The following SARNP variants were observed in gnomAD, a reference collection of about 807,000 sequenced individuals.
SARNP encodes SAP domain-containing ribonucleoprotein.
SARNP carries 5 observed loss-of-function variants against 38.1 expected under a neutral mutation model. The ratio of observed to expected loss-of-function variants is 0.13; its 90% confidence interval spans 0.07 to 0.28. The LOEUF (loss-of-function observed/expected upper bound fraction) is 0.28, where lower values mean the gene tolerates loss of function less well. Among genes scored for constraint, SARNP ranks in the 10% least tolerant of loss-of-function variants. SARNP has a pLI of 1.00. For synonymous variants in SARNP, 84 were observed against 80.6 expected, an observed-to-expected ratio of 1.04 and a Z score of -0.23; for missense variants, 180 against 243.9, an observed-to-expected ratio of 0.74 and a Z score of 1.75.
chr12:55,753,729 C>T (rs1472614420), downstream of SARNP: 1 of 141,240 alleles, frequency 7.1e-6, no homozygotes, highest in Non-Finnish European at 1.5e-5. Context: ...GAGATCGCAC[C>T]ACTGCACTCT....
At chr12:55,785,096 T>G (rs1334106081) in intron 9 of SARNP, among the ~76,000 whole-genome samples, 1 of 152,262 alleles carries the variant, frequency 6.6e-6, no homozygotes, top group Admixed American at 6.5e-5. Flanking sequence ...ATTTTAATTG[T>G]ATTTTATAGA....
downstream of SARNP, chr12:55,753,859 A>T (rs1023407681): frequency 2.6e-5 from 4 of 151,148 alleles, no homozygotes; most frequent in African/African-American, 9.8e-5. Context: ...TGGCAGGAGG[A>T]CCACTTGAGG....
intron 10 of SARNP, 127 bp from the exon 11 acceptor site, chr12:55,757,680 A>C (rs1212793847): frequency 1.6e-6 from 1 of 617,660 alleles, no homozygotes. Flanking sequence ...CCCAGACTTG[A>C]GCTTGGTAGC....
intron 4 of SARNP, among the ~76,000 whole-genome samples, chr12:55,800,005 C>T (rs917199899): frequency 3.3e-5 from 5 of 151,776 alleles, no homozygotes; most frequent in Non-Finnish European, 5.9e-5. Flanking sequence ...GCCTGGCCAA[C>T]ATGGTAAAAC....
chr12:55,817,396 G>A (rs187102458), intron 1 of SARNP, among the ~76,000 whole-genome samples: 16 of 152,292 alleles, frequency 1.1e-4, no homozygotes, highest in Non-Finnish European at 1.9e-4. Context: ...ACAGGTAGAA[G>A]GCACTTACAC....
chr12:55,816,436 A>G (rs1444945927), intron 1 of SARNP, among the ~76,000 whole-genome samples: 2 of 152,236 alleles, frequency 1.3e-5, no homozygotes, highest in East Asian at 1.9e-4. Flanking sequence ...CAAGTTAACA[A>G]TAACTCCAGA....
chr12:55,798,357 G>C (rs1159568182), intron 4 of SARNP, among the ~76,000 whole-genome samples: 4 of 152,106 alleles, frequency 2.6e-5, no homozygotes, highest in Non-Finnish European at 5.9e-5. Flanking sequence ...AAAAGAGCTG[G>C]GTGTAGTGGC....
chr12:55,759,394 C>T (rs1878605860), intron 10 of SARNP, among the ~76,000 whole-genome samples: 1 of 151,276 alleles, frequency 6.6e-6, no homozygotes, highest in African/African-American at 2.4e-5. Flanking sequence ...CTTATTAATA[C>T]TAAGTGGCAA....
intron 9 of SARNP, among the ~76,000 whole-genome samples, chr12:55,784,509 G>A (rs936703336): frequency 6.6e-6 from 1 of 152,188 alleles, no homozygotes; most frequent in African/African-American, 2.4e-5. Context: ...CTTTTCTTAT[G>A]TCTTACTCCT....
rs1197347243 is a variant in SARNP at position 55,775,747 on chromosome 12, A to C, written c.501+13328T>G. 3.3e-5 allele frequency among the ~76,000 whole-genome samples: 5 copies of C among 152,146 alleles called. No individual in the cohort carries two copies. The East Asian group carries it at 7.7e-4, about 23-fold the overall frequency. ...GATGTCCTGCCTCATCCCCACCTCC[A>C]TCTCCAAAATACTATGGGATCTGAC... On this transcript the variant is annotated intron_variant, in intron 9 of 10. Transcript: ENST00000336133.
At chr12:55,808,677 C>G (rs1246607917) in intron 1 of SARNP, among the ~76,000 whole-genome samples, 1 of 151,924 alleles carries the variant, frequency 6.6e-6, no homozygotes, top group African/African-American at 2.4e-5. Flanking sequence ...GGGAGGAACG[C>G]TTGAACCTGG....
chr12:55,769,251 T>C (rs571003590), intron 9 of SARNP, among the ~76,000 whole-genome samples: 1 of 152,314 alleles, frequency 6.6e-6, no homozygotes, highest in South Asian at 2.1e-4. Context: ...ACATTTTCAA[T>C]AGCATTGTAG....
intron 1 of SARNP, among the ~76,000 whole-genome samples, chr12:55,809,524 G>A (rs1411509956): frequency 2.6e-5 from 4 of 152,012 alleles, no homozygotes; most frequent in Non-Finnish European, 5.9e-5. Context: ...GGAGGTCGAC[G>A]CAGGAGGATC....
At chr12:55,773,304 AAAC>A (rs1879066439) in intron 9 of SARNP, among the ~76,000 whole-genome samples, 1 of 152,176 alleles carries the variant, frequency 6.6e-6, no homozygotes, top group African/African-American at 2.4e-5. Context: ...AATATAGACC[AAAC>A]AACTTTTTAA....
intron 3 of SARNP, 71 bp from the exon 4 acceptor site, chr12:55,800,700 G>C (rs980355671): frequency 7.2e-7 from 1 of 1,381,400 alleles, no homozygotes; most frequent in African/African-American, 1.4e-5. Context: ...AAGAACATCA[G>C]AACTCCAAAA....
intron 1 of SARNP, 29 bp downstream of exon 1, chr12:55,817,637 C>G (rs1437960480): frequency 5.0e-6 from 8 of 1,605,408 alleles, no homozygotes; most frequent in Non-Finnish European, 6.8e-6. Flanking sequence ...TAGAAAAGTC[C>G]AACTCAGCCC....
chr12:55,806,121 G>A (rs1376663230), intron 1 of SARNP, among the ~76,000 whole-genome samples: 1 of 151,554 alleles, frequency 6.6e-6, no homozygotes, highest in South Asian at 2.1e-4. Context: ...CATAGCCTCT[G>A]AAGCCAGACT....
rs1486752557 is a variant in SARNP, at chr12:55,757,466, G to C, written c.*46C>G. ...GCATATATGTGACCAAGAAGAAGGA[G>C]AGAAATGGAAAACACTGGAGAACAG... On this transcript the variant is annotated 3_prime_UTR_variant, in exon 11 of 11. Transcript: ENST00000336133. The C allele has an allele frequency of 1.3e-6, 2 of 1,551,480 alleles. No individual in the cohort carries two copies. The highest frequency in any genetic ancestry group is 2.3e-5 in the East Asian group (1 of 44,332).
At chr12:55,792,391 GA>G (rs1879698225) in intron 7 of SARNP, among the ~76,000 whole-genome samples, 1 of 152,008 alleles carries the variant, frequency 6.6e-6, no homozygotes, top group South Asian at 2.1e-4. Flanking sequence ...GTTTTTTTGA[GA>G]AAAGAGTCTC....
Sources: gnomAD v4.1 joint callset for allele counts (sites outside exome capture counted in the v4.1 genomes callset) on GRCh38, gnomAD v4.1.1 for gene constraint, MANE v1.5 for transcripts, NCBI Gene and HGNC (gene_info 2026-07-23, HGNC 2026-07-21) for gene names.